Variants in SEMA6D observed in about 807,000 individuals in gnomAD.
SEMA6D encodes semaphorin-6D.
In SEMA6D, 35 loss-of-function variants were observed where a neutral mutation model predicts 106.6. The ratio of observed to expected loss-of-function variants is 0.33; its 90% CI spans 0.25 to 0.44. The LOEUF (loss-of-function observed/expected upper bound fraction) is 0.44. SEMA6D is among the 20% of genes least tolerant of loss of function. The pLI is 1.00. For missense variants in SEMA6D, 1,185 were observed against 1,345.9 expected (o/e 0.88, Z 1.87); for synonymous variants, 499 against 487.7 (o/e 1.02, Z -0.31).
intron 1 of SEMA6D, among the ~76,000 whole-genome samples, chr15:47,266,985 GT>G (rs1475314751): frequency 6.6e-6 from 1 of 152,100 alleles, no homozygotes; most frequent in Non-Finnish European, 1.5e-5. Flanking sequence ...TGGGAAGCTG[GT>G]TTATGGAGCT....
intron 1 of SEMA6D, among the ~76,000 whole-genome samples, chr15:47,316,950 C>T (rs1366803672): frequency 6.6e-6 from 1 of 152,122 alleles, no homozygotes; most frequent in Non-Finnish European, 1.5e-5. Context: ...GAAGTAGACC[C>T]TCTGCTCTAA....
chr15:47,600,956 AG>A lies in SEMA6D; in HGVS notation c.-55+61del, dbSNP rs1358785717. ...AATCCAGCGAATTGTTACTGGTTTT[AG>A]ATAAGTTTTTGCTGTATGTCATGAG... On this transcript the variant is annotated intron_variant, in intron 4 of 19. Transcript: ENST00000558014. The A allele has an allele frequency of 5.3e-5, 8 of 152,232 alleles. No individual in the cohort carries two copies. In the East Asian group the frequency reaches 1.4e-3, roughly 26 times the overall value. 9.4% of individuals were successfully genotyped at this position (152,232 alleles called of 1,614,324 possible).
intron 3 of SEMA6D, among the ~76,000 whole-genome samples, chr15:47,575,244 T>A (rs1278476136): frequency 1.3e-5 from 2 of 152,202 alleles, no homozygotes; most frequent in African/African-American, 4.8e-5. Context: ...TACATGGCTT[T>A]CTCCCAACAC....
intron 1 of SEMA6D, among the ~76,000 whole-genome samples, chr15:47,758,465 A>G (rs1360055672): frequency 2.0e-5 from 3 of 152,162 alleles, no homozygotes; most frequent in Non-Finnish European, 4.4e-5. Flanking sequence ...TTATTGTTGC[A>G]AAGTAGAACA....
chr15:47,318,250 A>T (rs1197462395), intron 1 of SEMA6D, among the ~76,000 whole-genome samples: 58 of 150,900 alleles, frequency 3.8e-4, no homozygotes, highest in African/African-American at 9.7e-4. Flanking sequence ...CTTTTTTTTT[A>T]AATTTTTCTT....
chr15:47,271,161 A>T (rs959207664), intron 1 of SEMA6D, among the ~76,000 whole-genome samples: 1 of 152,194 alleles, frequency 6.6e-6, no homozygotes, highest in East Asian at 1.9e-4. Context: ...ATGTAATCCA[A>T]ACTCTATTGT....
chr15:47,195,971 A>G (rs1016805269), intron 1 of SEMA6D, among the ~76,000 whole-genome samples: 1 of 151,278 alleles, frequency 6.6e-6, no homozygotes, highest in East Asian at 1.9e-4. Flanking sequence ...TTCACCCACC[A>G]CCACTGGCCT....
At chr15:47,240,150 A>G (rs529386103) in intron 1 of SEMA6D, among the ~76,000 whole-genome samples, 2 of 152,264 alleles carry the variant, frequency 1.3e-5, no homozygotes, top group East Asian at 3.9e-4. Flanking sequence ...TCCGTGTACC[A>G]GCTTTCTACC....
At chr15:47,294,127 A>G (rs770117493) in intron 1 of SEMA6D, among the ~76,000 whole-genome samples, 2 of 151,300 alleles carry the variant, frequency 1.3e-5, no homozygotes, top group African/African-American at 4.9e-5. Context: ...GCCGTGCACT[A>G]TTGGAGAAGT....
chr15:47,765,241 G>T, intron 13 of SEMA6D, 185 bp downstream of exon 13: 1 of 1,379,604 alleles, frequency 7.2e-7, no homozygotes, highest in Non-Finnish European at 9.4e-7. Flanking sequence ...GGGCGAGGGG[G>T]GTGAATGGTT....
intron 2 of SEMA6D, among the ~76,000 whole-genome samples, chr15:47,431,283 TTAAA>T (rs939603169): frequency 2.6e-5 from 4 of 152,078 alleles, no homozygotes; most frequent in African/African-American, 9.7e-5. Flanking sequence ...GTTTATTAAA[TTAAA>T]TAATAAACCA....
intron 1 of SEMA6D, among the ~76,000 whole-genome samples, chr15:47,339,769 G>T (rs1402286928): frequency 6.6e-6 from 1 of 152,078 alleles, no homozygotes; most frequent in Non-Finnish European, 1.5e-5. Context: ...TGAGGTGGGA[G>T]AATCATTTGA....
chr15:47,381,017 AC>A (rs1490409452), intron 1 of SEMA6D, among the ~76,000 whole-genome samples: 1 of 152,236 alleles, frequency 6.6e-6, no homozygotes, highest in African/African-American at 2.4e-5. Flanking sequence ...AACAAGAAAA[AC>A]ATCTTTGTGG....
chr15:47,362,494 G>A (rs888887247), intron 1 of SEMA6D, among the ~76,000 whole-genome samples: 1 of 152,066 alleles, frequency 6.6e-6, no homozygotes, highest in Non-Finnish European at 1.5e-5. Context: ...TTTAAACTCT[G>A]GCCTCTCCGT....
chr15:47,491,662 GT>G (rs2043480336), intron 3 of SEMA6D, among the ~76,000 whole-genome samples: 1 of 152,068 alleles, frequency 6.6e-6, no homozygotes, highest in Non-Finnish European at 1.5e-5. Flanking sequence ...TGGAAATAAG[GT>G]AAAAGAGAGC....
At chr15:47,495,993 C>T (rs1466312907) in intron 3 of SEMA6D, among the ~76,000 whole-genome samples, 2 of 152,016 alleles carry the variant, frequency 1.3e-5, no homozygotes, top group East Asian at 1.9e-4. Flanking sequence ...ACACTTTTCA[C>T]CTGGTCTCTG....
At chr15:47,407,400 C>CAAAAAAAAAAAAAAAAAAAAAAA (rs1272439298) in intron 1 of SEMA6D, among the ~76,000 whole-genome samples, 2 of 85,220 alleles carry the variant, frequency 2.3e-5, no homozygotes, top group Non-Finnish European at 2.7e-5. Context: ...AAAACAACAA[C>CAAAAAAAAAAAAAAAAAAAAAAA]AACAACAACA....
chr15:47,494,738 GGA>G (rs1491390659), intron 3 of SEMA6D, among the ~76,000 whole-genome samples: 1 of 28,102 alleles, frequency 3.6e-5, no homozygotes, highest in Non-Finnish European at 7.3e-5. Context: ...AGAGTGGGAT[GGA>G]GATATATATA....
At chr15:47,254,399 T>C (rs2033688149) in intron 1 of SEMA6D, among the ~76,000 whole-genome samples, 1 of 150,942 alleles carries the variant, frequency 6.6e-6, no homozygotes, top group African/African-American at 2.4e-5. Flanking sequence ...CTTTCTCCTT[T>C]CCCATTTGGA....
Sources: gnomAD v4.1 joint callset for allele counts (sites outside exome capture counted in the v4.1 genomes callset) on GRCh38, gnomAD v4.1.1 for gene constraint, MANE v1.5 for transcripts, NCBI Gene and HGNC (gene_info 2026-07-23, HGNC 2026-07-21) for gene names.